Variants in LRPPRC observed in about 807,000 individuals in gnomAD.
LRPPRC encodes the protein leucine-rich PPR motif-containing protein, mitochondrial.
Under a neutral mutation model 180.3 loss-of-function variants are expected in LRPPRC, and 120 were observed. That is an observed-to-expected ratio of 0.67 (90% CI 0.57 to 0.77). LRPPRC has a LOEUF of 0.77. LRPPRC is among the 30% of genes least tolerant of loss of function. The pLI is 0.00. For synonymous variants in LRPPRC, 723 were observed against 600.0 expected (o/e 1.21, Z -3.00); for missense variants, 2,012 against 1,657.2 (o/e 1.21, Z -3.72).
At position 43,890,374 on chromosome 2, in the gene LRPPRC, TAAAC is replaced by T. The variant is rs778792292; in HGVS notation, c.3986-502_3986-499del. 4.8e-4 allele frequency: 225 copies of T among 469,658 alleles called. 6 individuals carry two copies. In the Middle Eastern group the frequency reaches 0.017, roughly 36 times the overall value. 29.1% of individuals were successfully genotyped at this position (469,658 alleles called of 1,614,324 possible). On this transcript the variant is annotated intron_variant, in intron 36 of 37. Coordinates refer to ENST00000260665, the MANE Select transcript of LRPPRC (RefSeq NM_133259.4). ...AGCTTTTCATTTTTCTATTGTAAAA[TAAAC>T]AAATATGGAAAGTATAGTTAGCTAC...
chr2:43,926,543 T>G (rs7559561), intron 25 of LRPPRC, among the ~76,000 whole-genome samples: 1 of 151,922 alleles, frequency 6.6e-6, no homozygotes. Flanking sequence ...AATTTTTGTA[T>G]TTTTAGTAGA....
intron 12 of LRPPRC, among the ~76,000 whole-genome samples, chr2:43,962,576 G>A (rs1434300938): frequency 6.6e-6 from 1 of 152,202 alleles, no homozygotes; most frequent in Non-Finnish European, 1.5e-5. Flanking sequence ...CGCTAAGCAT[G>A]CTGTTTTGAA....
intron 29 of LRPPRC, among the ~76,000 whole-genome samples, chr2:43,915,529 C>T (rs537195662): frequency 6.6e-6 from 1 of 151,574 alleles, no homozygotes; most frequent in Non-Finnish European, 1.5e-5. Context: ...ACTAAAAATA[C>T]AAAAACTAGC....
chr2:43,973,615 T>A lies in LRPPRC; in HGVS notation c.1361A>T (p.Asn454Ile), dbSNP rs1002977644. ...AAAAGGCAAAATCTAACCTTGAACATTTTTTTCCTTCCGACGTCCAACTAG... is the reference window on the plus strand; with the variant it reads ...AAAAGGCAAAATCTAACCTTGAACAATTTTTTCCTTCCGACGTCCAACTAG... Reference protein sequence around the residue: ...PLLVGRRKEKNVQGIIEILKG... With the variant: ...PLLVGRRKEKIVQGIIEILKG... The change falls in exon 11 of 38, where the codon AAT (asparagine) becomes ATT (isoleucine). Residue 454 changes from asparagine to isoleucine, a missense_variant. Physicochemically the swap from Asn to Ile is moderately radical, Grantham distance 149 (BLOSUM62 -3). Transcript: ENST00000260665. 6.2e-7 allele frequency: 1 copy of A among 1,606,158 alleles called. No individual in the cohort carries two copies. Among genetic ancestry groups the A allele is most frequent in the South Asian group, 1.1e-5 (1 of 90,866 alleles).
chr2:43,894,575 CTTCCTT>C lies in LRPPRC; in HGVS notation c.3949_3954del (p.Lys1317_Glu1318del), dbSNP rs1159624023. The C allele has an allele frequency of 1.9e-6, 3 of 1,565,328 alleles. No individual in the cohort carries two copies. The highest frequency in any genetic ancestry group is 2.6e-6 in the Non-Finnish European group (3 of 1,136,046). On this transcript the variant is annotated inframe_deletion, in exon 36 of 38. Coordinates refer to ENST00000260665, the MANE Select transcript of LRPPRC (RefSeq NM_133259.4). The stretch of plus-strand genomic sequence containing the variant: ...CTTTTCATGAGGGAATTGTATGCTT[CTTCCTT>C]TTCATTTAATTCAGGAATCAATTCT...
intron 11 of LRPPRC, among the ~76,000 whole-genome samples, chr2:43,969,758 G>A (rs1457045832): frequency 2.6e-5 from 4 of 152,140 alleles, no homozygotes; most frequent in South Asian, 2.1e-4. Flanking sequence ...CAGTGGCTAC[G>A]ATCAAGGCTC....
At position 43,898,986 on chromosome 2, in the gene LRPPRC, G is replaced by A. The variant is rs568857398; in HGVS notation, c.3825+233C>T. 7.2e-5 allele frequency among the ~76,000 whole-genome samples: 11 copies of A among 152,084 alleles called. No homozygotes were observed. In the South Asian group the frequency reaches 2.1e-3, roughly 29 times the overall value. ...ACCCCCGCACCACCCGCCGCTCCCCGCTACCTCAATTCTAAAGACATTTCT... is the reference window on the plus strand; with the variant it reads ...ACCCCCGCACCACCCGCCGCTCCCCACTACCTCAATTCTAAAGACATTTCT... On this transcript the variant is annotated intron_variant, in intron 34 of 37. Transcript: ENST00000260665.
In LRPPRC at chr2:43,887,222, G is replaced by A. The variant is rs1670300315; in HGVS notation, c.*1378C>T. On this transcript the variant is annotated 3_prime_UTR_variant, in exon 38 of 38. Coordinates refer to ENST00000260665, the MANE Select transcript of LRPPRC (RefSeq NM_133259.4). ...TCCTGCATCTGGGCAGTGCTCAAGG[G>A]AAAGCCGCACTATGTCCACTGGGCC... 6.6e-6 allele frequency: 1 copy of A among 151,146 alleles called. No individual in the cohort carries two copies. The highest frequency in any genetic ancestry group is 6.6e-5 in the Admixed American group (1 of 15,140). The allele number at this position is 151,146 out of a possible 1,614,324, so 9.4% of individuals were successfully genotyped here.
At position 43,912,567 on chromosome 2, in the gene LRPPRC, G is replaced by T. The variant is rs747567006; in HGVS notation, c.3149-9C>A. 7 of 1,605,508 alleles carry T rather than the reference G, an allele frequency of 4.4e-6. No individual in the cohort carries two copies. The South Asian group carries it at 7.7e-5, about 18-fold the overall frequency. ...GAAAATATCATATGCCCCTATGAGAGAAAACAGACAAAAAAAATGAGATGA... is the reference window on the plus strand; with the variant it reads ...GAAAATATCATATGCCCCTATGAGATAAAACAGACAAAAAAAATGAGATGA... On this transcript the variant is annotated splice_polypyrimidine_tract_variant and intron_variant, in intron 29 of 37. Coordinates refer to ENST00000260665, the MANE Select transcript of LRPPRC (RefSeq NM_133259.4).
chr2:43,915,806 G>C (rs1671446611), intron 29 of LRPPRC, among the ~76,000 whole-genome samples: 2 of 151,996 alleles, frequency 1.3e-5, no homozygotes, highest in African/African-American at 4.8e-5. Context: ...TTTTGAGATA[G>C]GGTCTCACTC....
chr2:43,950,243 G>C (rs996328644), intron 15 of LRPPRC, among the ~76,000 whole-genome samples: 3 of 151,742 alleles, frequency 2.0e-5, no homozygotes, highest in Non-Finnish European at 4.4e-5. Context: ...TTAAGTTCAG[G>C]GGTACATGTG....
At chr2:43,983,237 A>T (rs1327150136) in intron 1 of LRPPRC, among the ~76,000 whole-genome samples, 1 of 152,160 alleles carries the variant, frequency 6.6e-6, no homozygotes, top group Non-Finnish European at 1.5e-5. Flanking sequence ...TTAGTAATGG[A>T]GTCTAATATG....
intron 34 of LRPPRC, among the ~76,000 whole-genome samples, chr2:43,898,240 C>T (rs966371788): frequency 1.3e-5 from 2 of 151,950 alleles, no homozygotes; most frequent in African/African-American, 2.4e-5. Context: ...TTCAGGTATT[C>T]CTTTTAAAAA....
Position 43,896,779 on chromosome 2 carries a change from A to G in LRPPRC, c.3826-71T>C. ...AAGTGGATCAAACTGAATATTTCCA[A>G]TTAAGAAAGTTCACAATAATACAGT... is the stretch of plus-strand genomic sequence containing the variant. On this transcript the variant is annotated intron_variant, in intron 34 of 37. Transcript: ENST00000260665. 5 of 914,432 alleles carry G rather than the reference A, an allele frequency of 5.5e-6. No individual in the cohort carries two copies. The South Asian group carries it at 6.6e-5, about 12-fold the overall frequency. 56.6% of individuals were successfully genotyped at this position (914,432 alleles called of 1,614,324 possible). A position where few individuals can be genotyped will look rare whatever the true frequency, so the allele number is the denominator to read the frequency against.
chr2:43,886,473 A>G lies in LRPPRC; in HGVS notation c.*2127T>C, dbSNP rs1335963228. 3 of 152,220 alleles carry G rather than the reference A, an allele frequency of 2.0e-5. No individual in the cohort carries two copies. The highest frequency in any genetic ancestry group is 7.2e-5 in the African/African-American group (3 of 41,462). The allele number at this position is 152,220 out of a possible 1,614,324, so 9.4% of individuals were successfully genotyped here. A position where few individuals can be genotyped will look rare whatever the true frequency, so the allele number is the denominator to read the frequency against. On this transcript the variant is annotated 3_prime_UTR_variant, in exon 38 of 38. Coordinates refer to ENST00000260665, the MANE Select transcript of LRPPRC (RefSeq NM_133259.4). ...TCATAAGCCCACCTACAGTATAGTT[A>G]TTATACTTTAAATATTTATATTCAA...
intron 34 of LRPPRC, among the ~76,000 whole-genome samples, chr2:43,897,200 GA>G (rs1352419139): frequency 1.3e-5 from 2 of 152,074 alleles, no homozygotes; most frequent in Admixed American, 1.3e-4. Context: ...CAAAAGGACT[GA>G]TTTCAATCTC....
chr2:43,960,449 T>C, intron 13 of LRPPRC, 92 bp downstream of exon 13: 1 of 782,600 alleles, frequency 1.3e-6, no homozygotes. Context: ...ATATAAACCT[T>C]CCTTGCTTTC....
rs143092566 is a variant in LRPPRC at position 43,929,626 on chromosome 2, C to T, written c.2737-3665G>A. 3.9e-5 allele frequency among the ~76,000 whole-genome samples: 6 copies of T among 151,990 alleles called. No homozygotes were observed. The East Asian group carries it at 1.2e-3, about 29-fold the overall frequency. ...GAAGAAAAACCTACATGTAAGTGGA[C>T]CTACACAATCCAAACCTATGTTGTT... On this transcript the variant is annotated intron_variant, in intron 25 of 37. Coordinates refer to ENST00000260665, the MANE Select transcript of LRPPRC (RefSeq NM_133259.4).
At chr2:43,961,321 T>C (rs1008900790) in intron 12 of LRPPRC, among the ~76,000 whole-genome samples, 1 of 152,132 alleles carries the variant, frequency 6.6e-6, no homozygotes. Context: ...TAGGGGGAGT[T>C]TGAAAGTAAT....
Sources: gnomAD v4.1 joint callset for allele counts (sites outside exome capture counted in the v4.1 genomes callset) on GRCh38, gnomAD v4.1.1 for gene constraint, MANE v1.5 for transcripts, NCBI Gene and HGNC (gene_info 2026-07-23, HGNC 2026-07-21) for gene names.